Variants in HECTD4 observed in about 807,000 individuals in gnomAD.
The protein encoded by HECTD4 is probable E3 ubiquitin-protein ligase HECTD4.
In HECTD4, 114 loss-of-function variants were observed where a neutral mutation model predicts 471.5. The ratio of observed to expected loss-of-function variants is 0.24; its 90% CI spans 0.21 to 0.28. HECTD4 has a LOEUF of 0.28. Among genes scored for constraint, HECTD4 ranks in the 10% least tolerant of loss-of-function variants. The pLI, the probability that HECTD4 is intolerant of heterozygous loss-of-function variation, is 1.00. For missense variants in HECTD4, 3,866 were observed against 5,651.5 expected, an observed-to-expected ratio of 0.68 and a Z score of 10.13; for synonymous variants, 2,012 against 2,256.0, an observed-to-expected ratio of 0.89 and a Z score of 3.07.
At chr12:112,216,441 G>A (rs2032919053) in intron 47 of HECTD4, 70 bp from the exon 48 acceptor site, 1 of 1,078,714 alleles carries the variant, frequency 9.3e-7, no homozygotes, top group Non-Finnish European at 1.4e-6. Context: ...ACACAAACAG[G>A]GAAGTGGTGA....
At chr12:112,229,212 A>G (rs531544985) in intron 41 of HECTD4, among the ~76,000 whole-genome samples, 8 of 152,256 alleles carry the variant, frequency 5.3e-5, no homozygotes, top group Admixed American at 3.3e-4. Flanking sequence ...CTGTAATCCC[A>G]GCTACTTGGG....
intron 1 of HECTD4, among the ~76,000 whole-genome samples, chr12:112,329,838 T>C (rs2035812377): frequency 6.6e-6 from 1 of 152,214 alleles, no homozygotes; most frequent in African/African-American, 2.4e-5. Context: ...TTGGGTACAG[T>C]GGCTCACGTC....
In HECTD4 at chr12:112,184,096, C is replaced by T; in HGVS notation, c.10779+91G>A. On this transcript the variant is annotated intron_variant, in intron 61 of 75. Transcript: ENST00000682272. This position sits in a 1 kb window ranked among gnomAD's most constrained non-coding sequence, Gnocchi z 9.1. ...GAGCCCCCAACCGCTCCACCATTAC[C>T]TACTAGGAAATAACTTTGGAAGATT... The T allele has an allele frequency of 1.6e-6, 2 of 1,286,026 alleles. No individual in the cohort carries two copies. The highest frequency in any genetic ancestry group is 2.2e-6 in the Non-Finnish European group (2 of 922,004). The allele number at this position is 1,286,026 out of a possible 1,614,324, so 79.7% of individuals were successfully genotyped here. A position where few individuals can be genotyped will look rare whatever the true frequency, so the allele number is the denominator to read the frequency against.
intron 49 of HECTD4, among the ~76,000 whole-genome samples, chr12:112,211,675 T>C (rs187225322): frequency 2.0e-5 from 3 of 152,172 alleles, no homozygotes; most frequent in East Asian, 3.9e-4. Flanking sequence ...AGATTCTAGA[T>C]ACATTTTGAA....
chr12:112,362,864 G>A (rs1300953457), intron 1 of HECTD4, among the ~76,000 whole-genome samples: 2 of 151,980 alleles, frequency 1.3e-5, no homozygotes, highest in Admixed American at 6.6e-5. Context: ...ACCATGCCCG[G>A]CTAATTTTTG....
chr12:112,185,098 C>A lies in HECTD4; in HGVS notation c.9868G>T (p.Asp3290Tyr). The A allele has an allele frequency of 6.4e-7, 1 of 1,571,730 alleles. No individual in the cohort carries two copies. The highest frequency in any genetic ancestry group is 8.6e-7 in the Non-Finnish European group (1 of 1,157,980). ...VTSATAPNLS[D>Y]SSSSSSSSPG... ...GAGGACGAGGAGGAGGAGGACGAGT[C>A]ACTGAGATTTGGGGCGGTCGCTGAG... Residue 3290 changes from aspartate to tyrosine, a missense_variant, in exon 61 of 76, where the codon GAC (aspartate) becomes TAC (tyrosine). Around this residue, in one of 16 missense-constraint regions of HECTD4, gnomAD observed 38 missense variants for 72.1 expected, o/e 0.53. Transcript: ENST00000682272.
chr12:112,323,405 TA>T (rs1355569015), intron 1 of HECTD4, among the ~76,000 whole-genome samples: 2 of 152,084 alleles, frequency 1.3e-5, no homozygotes, highest in Non-Finnish European at 2.9e-5. Flanking sequence ...TTCATAGTTT[TA>T]AAAAAATTCA....
chr12:112,371,230 G>A (rs1472490588), intron 1 of HECTD4, among the ~76,000 whole-genome samples: 1 of 152,172 alleles, frequency 6.6e-6, no homozygotes, highest in African/African-American at 2.4e-5. Context: ...AACTGAAACA[G>A]AGACTATCTA....
Position 112,382,184 on chromosome 12 carries a change from G to T in HECTD4, c.-56C>A. The T allele has an allele frequency of 1.7e-6, 2 of 1,198,644 alleles. No homozygotes were observed. The highest frequency in any genetic ancestry group is 3.3e-4 in the Middle Eastern group (1 of 3,076). 74.3% of individuals were successfully genotyped at this position (1,198,644 alleles called of 1,614,324 possible). A position where few individuals can be genotyped will look rare whatever the true frequency, so the allele number is the denominator to read the frequency against. The stretch of plus-strand genomic sequence containing the variant: ...CAGACGCCCGGCCGGGGGAAACGGA[G>T]CAGGAGCCGCCGCGATCACCAGTCC... On this transcript the variant is annotated 5_prime_UTR_variant, in exon 1 of 76. Transcript: ENST00000682272.
Position 112,185,090 on chromosome 12 carries a change from G to GGAC in HECTD4, c.9873_9875dup (p.Ser3298dup), listed in dbSNP as rs2031812679. On this transcript the variant is annotated inframe_insertion, in exon 61 of 76. Transcript: ENST00000682272. ...GTCCTGGGGAGGACGAGGAGGAGGA[G>GGAC]GACGAGTCACTGAGATTTGGGGCGG... The GGAC allele has an allele frequency of 6.4e-7, 1 of 1,574,132 alleles. No individual in the cohort carries two copies. The highest frequency in any genetic ancestry group is 1.9e-5 in the Admixed American group (1 of 53,156).
intron 7 of HECTD4, among the ~76,000 whole-genome samples, chr12:112,291,986 T>C (rs1294725061): frequency 6.6e-6 from 1 of 152,254 alleles, no homozygotes; most frequent in Non-Finnish European, 1.5e-5. Flanking sequence ...AAGTCTCTTC[T>C]GGCTTTATTC....
intron 44 of HECTD4, among the ~76,000 whole-genome samples, chr12:112,222,256 C>G (rs1487657517): frequency 6.6e-6 from 1 of 152,092 alleles, no homozygotes. Flanking sequence ...GGGGTTTCAC[C>G]AAGTTGGACA....
intron 1 of HECTD4, among the ~76,000 whole-genome samples, chr12:112,374,589 A>G (rs1393086697): frequency 6.6e-6 from 1 of 152,220 alleles, no homozygotes; most frequent in African/African-American, 2.4e-5. Flanking sequence ...CATTAATTGC[A>G]TGGTAATCAA....
At chr12:112,324,027 TTC>T (rs1566111975) in intron 1 of HECTD4, among the ~76,000 whole-genome samples, 1 of 51,994 alleles carries the variant, frequency 1.9e-5, no homozygotes, top group Non-Finnish European at 3.0e-5. Context: ...CCTTCCTTCC[TTC>T]CTTCCTTCCT....
intron 1 of HECTD4, among the ~76,000 whole-genome samples, chr12:112,345,085 C>G (rs1056129081): frequency 6.6e-6 from 1 of 152,050 alleles, no homozygotes; most frequent in East Asian, 1.9e-4. Context: ...AAGACTCCAT[C>G]TTTTAAAAAT....
Position 112,231,382 on chromosome 12 carries a change from C to G in HECTD4, c.6200+131G>C, listed in dbSNP as rs536232101. On this transcript the variant is annotated intron_variant, in intron 39 of 75. Coordinates refer to ENST00000682272, the MANE Select transcript of HECTD4 (RefSeq NM_001388303.1). ...ACTCCAGGCTGTACCTTGAGTGCAACTACTACAGCAGATGGCGGCCTCATT... is the reference window on the plus strand; with the variant it reads ...ACTCCAGGCTGTACCTTGAGTGCAAGTACTACAGCAGATGGCGGCCTCATT... The G allele has an allele frequency of 8.8e-6, 7 of 796,394 alleles. No individual in the cohort carries two copies. The South Asian group carries it at 9.6e-5, about 11-fold the overall frequency. 49.3% of individuals were successfully genotyped at this position (796,394 alleles called of 1,614,324 possible). A position where few individuals can be genotyped will look rare whatever the true frequency, so the allele number is the denominator to read the frequency against.
rs941681149 is a variant in HECTD4 at position 112,163,703 on chromosome 12, G to C, written c.12736C>G (p.Arg4246Gly). The change falls in exon 74 of 76, where the codon CGG (arginine) becomes GGG (glycine). Residue 4246 changes from arginine to glycine, a missense_variant. Physicochemically the swap from Arg to Gly is moderately radical, Grantham distance 125. This residue lies in a region of HECTD4 where 715 missense variants were observed against 1,087.6 expected (regional missense o/e 0.66). Transcript: ENST00000682272. The surrounding 1 kb of genome is among the most constrained non-coding windows in gnomAD (Gnocchi z 8.2). Reference sequence around the variant, plus strand: ...TGCAGCTCCCGCAGCCGCAGGCTCCGGATGGCTGCCGCGTAGATGTCCTTG... The same window carrying C: ...TGCAGCTCCCGCAGCCGCAGGCTCCCGATGGCTGCCGCGTAGATGTCCTTG... ...ENKDIYAAAI[R>G]SLRLRELQNV... is the part of the protein sequence containing the mutation. The C allele has an allele frequency of 2.6e-6, 4 of 1,510,762 alleles. No individual in the cohort carries two copies. Among genetic ancestry groups the C allele is most frequent in the Non-Finnish European group, 2.7e-6 (3 of 1,128,756 alleles). The allele number at this position is 1,510,762 out of a possible 1,614,324, so 93.6% of individuals were successfully genotyped here.
At chr12:112,299,252 T>C (rs1379729396) in intron 7 of HECTD4, among the ~76,000 whole-genome samples, 1 of 152,216 alleles carries the variant, frequency 6.6e-6, no homozygotes, top group Non-Finnish European at 1.5e-5. Context: ...TTTCTGAATA[T>C]TCTGAATACT....
At chr12:112,223,300 G>A (rs7297415) in intron 44 of HECTD4, among the ~76,000 whole-genome samples, 15,103 of 152,156 alleles carry the variant, frequency 0.099, 917 homozygotes, top group South Asian at 0.32. Context: ...TCTGCAAGGG[G>A]GTAAAATAAT....
Sources: gnomAD v4.1 joint callset for allele counts (sites outside exome capture counted in the v4.1 genomes callset) on GRCh38, gnomAD v4.1.1 for gene constraint, gnomAD v4.1.1 regional missense constraint, Gnocchi (gnomAD v3.1) non-coding constraint, MANE v1.5 for transcripts, NCBI Gene and HGNC (gene_info 2026-07-23, HGNC 2026-07-21) for gene names.